The following WDPCP variants were observed in gnomAD, a reference collection of about 807,000 sequenced individuals.
WDPCP encodes WD repeat containing planar cell polarity effector.
In WDPCP, 71 loss-of-function variants were observed where a neutral mutation model predicts 93.1. The observed-to-expected ratio is 0.76, with a 90% CI of 0.63 to 0.93. WDPCP has a LOEUF of 0.93. WDPCP is among the 40% of genes least tolerant of loss of function. The probability of loss-of-function intolerance (pLI) is 0.00; values close to 1 mark genes in which losing one functional copy is unlikely to be tolerated. For missense variants in WDPCP, 844 were observed against 887.4 expected (o/e 0.95, Z 0.62); for synonymous variants, 315 against 315.0 (o/e 1.00, Z 0.00).
intron 12 of WDPCP, among the ~76,000 whole-genome samples, chr2:63,368,115 T>C (rs944223985): frequency 6.6e-6 from 1 of 152,206 alleles, no homozygotes; most frequent in African/African-American, 2.4e-5. Flanking sequence ...TGAATACTTT[T>C]TTAGTTACAC....
intron 6 of WDPCP, among the ~76,000 whole-genome samples, chr2:63,462,585 A>T (rs1156909250): frequency 6.6e-6 from 1 of 152,168 alleles, no homozygotes; most frequent in Admixed American, 6.5e-5. Flanking sequence ...CACGGAATAG[A>T]CAGAGTGGTT....
intron 13 of WDPCP, among the ~76,000 whole-genome samples, chr2:63,277,333 A>T (rs1021024428): frequency 2.2e-4 from 33 of 152,192 alleles, no homozygotes; most frequent in Non-Finnish European, 4.1e-4. Context: ...AAAACAAAAA[A>T]CAAAAACACA....
intron 2 of WDPCP, among the ~76,000 whole-genome samples, chr2:63,793,322 A>G (rs1670569279): frequency 6.6e-6 from 1 of 152,186 alleles, no homozygotes; most frequent in Admixed American, 6.6e-5. Context: ...AATGATTGAA[A>G]TGAGGCTGGG....
At chr2:63,203,566 C>A (rs1217799541) in intron 14 of WDPCP, among the ~76,000 whole-genome samples, 2 of 152,086 alleles carry the variant, frequency 1.3e-5, no homozygotes, top group African/African-American at 4.8e-5. Flanking sequence ...ACCATAGACA[C>A]TGTGTTGTGC....
At position 63,207,230 on chromosome 2, in the gene WDPCP, A is replaced by T. The variant is rs1014388111; in HGVS notation, c.1916-32398T>A. Among the ~76,000 whole-genome samples the T allele has an allele frequency of 4.6e-5, 7 of 152,312 alleles. No homozygotes were observed. In the East Asian group the frequency reaches 1.2e-3, roughly 25 times the overall value. ...CCTAGTAGTGGCTCATGGAAATAAT[A>T]GTGATATGGTTTGACTGTGTGTCCT... On this transcript the variant is annotated intron_variant, in intron 14 of 17. Coordinates refer to ENST00000272321, the MANE Select transcript of WDPCP (RefSeq NM_015910.7).
chr2:63,370,436 A>G (rs1558531024), intron 12 of WDPCP, among the ~76,000 whole-genome samples: 1 of 152,160 alleles, frequency 6.6e-6, no homozygotes, highest in Non-Finnish European at 1.5e-5. Flanking sequence ...TCCAACTACC[A>G]TACCAAAGAG....
At chr2:63,522,449 CAG>C (rs1370400754) in intron 1 of WDPCP, among the ~76,000 whole-genome samples, 6 of 114,310 alleles carry the variant, frequency 5.2e-5, no homozygotes, top group African/African-American at 1.9e-4. Context: ...GACAGACAGA[CAG>C]ACAGACACAC....
intron 2 of WDPCP, among the ~76,000 whole-genome samples, chr2:63,737,820 G>T (rs1669659699): frequency 6.6e-6 from 1 of 152,140 alleles, no homozygotes; most frequent in East Asian, 1.9e-4. Flanking sequence ...GAATCTCATT[G>T]GGAGTTACAA....
intron 1 of WDPCP, among the ~76,000 whole-genome samples, chr2:63,586,561 G>A (rs891016199): frequency 3.3e-5 from 5 of 152,192 alleles, no homozygotes; most frequent in African/African-American, 1.2e-4. Flanking sequence ...GAAATGTGCT[G>A]ATATACCCAC....
At chr2:63,370,346 C>T (rs1691277661) in intron 12 of WDPCP, among the ~76,000 whole-genome samples, 1 of 152,082 alleles carries the variant, frequency 6.6e-6, no homozygotes. Context: ...CTTATTTCTC[C>T]TTTTGCCTTT....
chr2:63,407,165 A>C (rs1322254169), intron 9 of WDPCP, among the ~76,000 whole-genome samples: 1 of 151,966 alleles, frequency 6.6e-6, no homozygotes, highest in African/African-American at 2.4e-5. Flanking sequence ...ATCGAGACAG[A>C]CCTCTCTCAT....
At chr2:63,717,835 G>A (rs932342034) in intron 2 of WDPCP, 14 of 236,794 alleles carry the variant, frequency 5.9e-5, no homozygotes, top group Non-Finnish European at 9.9e-5. Context: ...AGGCGAGCCC[G>A]AGGCCTCCCT....
chr2:63,260,553 T>A (rs1681536324), intron 13 of WDPCP, among the ~76,000 whole-genome samples: 1 of 152,152 alleles, frequency 6.6e-6, no homozygotes, highest in African/African-American at 2.4e-5. Context: ...AGACTTTATT[T>A]ATTAATTTAT....
At chr2:63,828,981 TA>T (rs1242076772), upstream of WDPCP, among the ~76,000 whole-genome samples, 1 of 152,180 alleles carries the variant, frequency 6.6e-6, no homozygotes, top group Non-Finnish European at 1.5e-5. Flanking sequence ...TATAAAAGCT[TA>T]TAAATTTGTA....
chr2:63,238,030 C>T (rs2104616739), intron 14 of WDPCP, among the ~76,000 whole-genome samples: 1 of 150,106 alleles, frequency 6.7e-6, no homozygotes, highest in Middle Eastern at 3.5e-3. Context: ...AATGCAGCTA[C>T]AGCTTCATGA....
chr2:63,567,112 G>A (rs920736999), intron 1 of WDPCP, among the ~76,000 whole-genome samples: 1 of 152,166 alleles, frequency 6.6e-6, no homozygotes, highest in Non-Finnish European at 1.5e-5. Context: ...CAACCCAGAA[G>A]CTCTGAACTC....
chr2:63,183,202 G>T (rs759045003), intron 14 of WDPCP, among the ~76,000 whole-genome samples: 2 of 151,500 alleles, frequency 1.3e-5, no homozygotes, highest in Non-Finnish European at 3.0e-5. Context: ...TTTTTTTCTA[G>T]TTCCTTGAGG....
chr2:63,126,579 C>A (rs892624507), intron 17 of WDPCP, among the ~76,000 whole-genome samples: 3 of 151,968 alleles, frequency 2.0e-5, no homozygotes, highest in Non-Finnish European at 4.4e-5. Context: ...TTTGCCTTTG[C>A]CTTCCCAAAT....
chr2:63,430,876 G>A (rs1334887031), intron 9 of WDPCP, among the ~76,000 whole-genome samples: 3 of 152,194 alleles, frequency 2.0e-5, no homozygotes, highest in South Asian at 2.1e-4. Context: ...GCGAGACTAC[G>A]TCTAAAATAT....
Sources: allele counts gnomAD v4.1 joint callset (sites outside exome capture counted in the v4.1 genomes callset), GRCh38; gene constraint gnomAD v4.1.1; transcripts MANE v1.5; gene names NCBI Gene and HGNC (gene_info 2026-07-23, HGNC 2026-07-21).